DPP10: variants seen among roughly 807,000 people sequenced by gnomAD.
DPP10 encodes the protein inactive dipeptidyl peptidase 10.
A neutral mutation model predicts 120.9 loss-of-function variants in DPP10; 33 were observed. That is an observed-to-expected ratio of 0.27 (90% CI 0.21 to 0.37). The LOEUF (loss-of-function observed/expected upper bound fraction) is 0.37, where lower values mean the gene tolerates loss of function less well. Ranked by LOEUF, DPP10 falls within the 10% of genes least tolerant of loss-of-function variation. DPP10 has a pLI of 1.00. For synonymous variants in DPP10, 337 were observed against 326.1 expected, an observed-to-expected ratio of 1.03 and a Z score of -0.36; for missense variants, 816 against 942.8, an observed-to-expected ratio of 0.87 and a Z score of 1.76.
intron 1 of DPP10, among the ~76,000 whole-genome samples, chr2:114,970,714 T>C (rs1236310133): frequency 6.6e-6 from 1 of 152,204 alleles, no homozygotes; most frequent in Non-Finnish European, 1.5e-5. Flanking sequence ...TACTTTACAC[T>C]AAATAAATTA....
intron 5 of DPP10, among the ~76,000 whole-genome samples, chr2:115,535,188 A>G (rs1259981077): frequency 6.6e-6 from 1 of 151,994 alleles, no homozygotes; most frequent in African/African-American, 2.4e-5. Flanking sequence ...GTCCTCGCCC[A>G]TGCCTATGTC....
intron 5 of DPP10, among the ~76,000 whole-genome samples, chr2:115,667,319 T>G (rs1363122570): frequency 6.6e-6 from 1 of 152,144 alleles, no homozygotes; most frequent in East Asian, 1.9e-4. Context: ...TGTGAATAGT[T>G]TCTTTCACTG....
At chr2:114,505,224 G>A (rs1683543814) in intron 1 of DPP10, among the ~76,000 whole-genome samples, 1 of 149,790 alleles carries the variant, frequency 6.7e-6, no homozygotes, top group Non-Finnish European at 1.5e-5. Context: ...ATACCTTTTA[G>A]ACAAAGAAAG....
chr2:115,384,556 G>GAA (rs2066734848), intron 3 of DPP10, among the ~76,000 whole-genome samples: 1 of 66,738 alleles, frequency 1.5e-5, no homozygotes, highest in Non-Finnish European at 3.5e-5. Context: ...GGAAGAAGAA[G>GAA]AGGAAGAAGA....
rs535489151 is a variant in DPP10 at position 114,731,415 on chromosome 2, G to A, written c.60+288577G>A. 7.9e-5 allele frequency among the ~76,000 whole-genome samples: 12 copies of A among 152,266 alleles called. No homozygotes were observed. The East Asian group carries it at 2.3e-3, about 29-fold the overall frequency. On this transcript the variant is annotated intron_variant, in intron 1 of 25. Transcript: ENST00000410059. ...TTTGGTTTCAAGGTCTCTCTCAGGA[G>A]AGCAGCTGTAAACTCTAGCCCTGCC...
At chr2:115,163,242 G>C (rs1460145682) in intron 1 of DPP10, among the ~76,000 whole-genome samples, 1 of 152,202 alleles carries the variant, frequency 6.6e-6, no homozygotes, top group Non-Finnish European at 1.5e-5. Context: ...TCGCCCAGGA[G>C]TGGTGGCGAG....
intron 5 of DPP10, among the ~76,000 whole-genome samples, chr2:115,582,518 G>A (rs1368773693): frequency 1.3e-5 from 2 of 152,014 alleles, no homozygotes; most frequent in South Asian, 2.1e-4. Flanking sequence ...CTGCCCAACC[G>A]TCTGCTAATG....
chr2:115,112,840 T>G (rs2104690150), intron 1 of DPP10, among the ~76,000 whole-genome samples: 1 of 152,324 alleles, frequency 6.6e-6, no homozygotes, highest in Middle Eastern at 3.4e-3. Flanking sequence ...TCTTCTTTTA[T>G]GAATACAAGT....
chr2:115,641,522 ACT>A (rs149727383), intron 5 of DPP10, among the ~76,000 whole-genome samples: 2,694 of 151,702 alleles, frequency 0.018, 89 homozygotes, highest in African/African-American at 0.061. Context: ...AATGAACCCC[ACT>A]CTCTCCCTCT....
chr2:115,369,658 T>A (rs1007101515), intron 3 of DPP10, among the ~76,000 whole-genome samples: 1 of 152,062 alleles, frequency 6.6e-6, no homozygotes. Flanking sequence ...TGGTGGAGGC[T>A]TTACAAAGGA....
At chr2:115,090,962 C>T (rs11695064) in intron 1 of DPP10, among the ~76,000 whole-genome samples, 39,562 of 151,958 alleles carry the variant, frequency 0.26, 5,493 homozygotes, top group Middle Eastern at 0.32. Context: ...AGGCTGATAC[C>T]GTTTAGATTT....
intron 1 of DPP10, among the ~76,000 whole-genome samples, chr2:114,504,056 C>T (rs1199574363): frequency 2.6e-5 from 4 of 152,166 alleles, no homozygotes; most frequent in Non-Finnish European, 5.9e-5. Context: ...CAGAATCAGG[C>T]ACTACTACCT....
intron 3 of DPP10, among the ~76,000 whole-genome samples, chr2:115,422,366 T>A: frequency 6.6e-6 from 1 of 152,214 alleles, no homozygotes; most frequent in East Asian, 1.9e-4. Flanking sequence ...GTTATTTCTA[T>A]CTGGGCATTT....
At chr2:114,882,160 G>T (rs1465938365) in intron 1 of DPP10, among the ~76,000 whole-genome samples, 1 of 151,882 alleles carries the variant, frequency 6.6e-6, no homozygotes, top group Non-Finnish European at 1.5e-5. Flanking sequence ...CCACTACTAG[G>T]TATCTACCCA....
chr2:115,529,832 T>C (rs1440281413), intron 5 of DPP10, among the ~76,000 whole-genome samples: 2 of 152,142 alleles, frequency 1.3e-5, no homozygotes, highest in African/African-American at 4.8e-5. Flanking sequence ...TCATCCCTGA[T>C]AGTGTCACAA....
At chr2:114,832,969 C>G (rs921880473) in intron 1 of DPP10, among the ~76,000 whole-genome samples, 1 of 151,992 alleles carries the variant, frequency 6.6e-6, no homozygotes, top group Admixed American at 6.6e-5. Flanking sequence ...TATACAGAGA[C>G]AAGCAGTGAT....
At chr2:115,321,515 G>GTTTTTTTTTTTTTTT (rs35046366) in intron 2 of DPP10, among the ~76,000 whole-genome samples, 2 of 121,592 alleles carry the variant, frequency 1.6e-5, no homozygotes, top group South Asian at 2.6e-4. Flanking sequence ...TTTTTTTAGT[G>GTTTTTTTTTTTTTTT]TTTTTTTTTT....
At chr2:115,272,409 A>G (rs768887743) in intron 1 of DPP10, among the ~76,000 whole-genome samples, 3 of 152,212 alleles carry the variant, frequency 2.0e-5, no homozygotes, top group Non-Finnish European at 4.4e-5. Context: ...TTGACCTAGG[A>G]TATATGAATT....
chr2:114,559,064 G>A (rs775388075), intron 1 of DPP10, among the ~76,000 whole-genome samples: 31 of 152,152 alleles, frequency 2.0e-4, no homozygotes, highest in Non-Finnish European at 3.8e-4. Flanking sequence ...ACATCCCCAT[G>A]TCCCACATAC....
Sources: gnomAD v4.1 joint callset for allele counts (sites outside exome capture counted in the v4.1 genomes callset) on GRCh38, gnomAD v4.1.1 for gene constraint, MANE v1.5 for transcripts, NCBI Gene and HGNC (gene_info 2026-07-23, HGNC 2026-07-21) for gene names.